ZNF277: variants seen among roughly 807,000 people sequenced by gnomAD.
ZNF277 encodes zinc finger protein 277, also known as nuclear receptor-interacting factor 4.
A neutral mutation model predicts 60.7 loss-of-function variants in ZNF277; 55 were observed. The ratio of observed to expected loss-of-function variants is 0.91; its 90% confidence interval spans 0.73 to 1.13. The LOEUF is 1.13. ZNF277 is among the 50% of genes most tolerant of loss of function. The pLI is 0.00. For missense variants in ZNF277, 510 were observed against 523.0 expected (o/e 0.98, Z 0.24); for synonymous variants, 178 against 179.3 (o/e 0.99, Z 0.06).
intron 1 of ZNF277, among the ~76,000 whole-genome samples, chr7:112,220,854 G>C (rs981850834): frequency 5.9e-5 from 9 of 152,114 alleles, no homozygotes; most frequent in African/African-American, 7.2e-5. Context: ...GAGAGCATAG[G>C]GGGAGGGACA....
chr7:112,249,352 G>T (rs560525678), intron 1 of ZNF277, among the ~76,000 whole-genome samples: 3 of 152,196 alleles, frequency 2.0e-5, no homozygotes, highest in African/African-American at 7.2e-5. Flanking sequence ...CTCAAAATTA[G>T]GGGTTCCCTC....
chr7:112,312,920 TA>T (rs1204791488), intron 4 of ZNF277, among the ~76,000 whole-genome samples: 1 of 152,116 alleles, frequency 6.6e-6, no homozygotes, highest in Non-Finnish European at 1.5e-5. Flanking sequence ...GTTCCAGACA[TA>T]ATAGTTACAT....
chr7:112,244,990 T>C (rs551642939), intron 1 of ZNF277, among the ~76,000 whole-genome samples: 3 of 152,306 alleles, frequency 2.0e-5, no homozygotes, highest in Admixed American at 1.3e-4. Context: ...CTGTTTTTTT[T>C]CTACTTTGAA....
intron 1 of ZNF277, 115 bp from the exon 2 acceptor site, chr7:112,286,758 C>A: frequency 2.3e-6 from 2 of 856,638 alleles, no homozygotes; most frequent in Non-Finnish European, 3.5e-6. Context: ...TTTTTGGAGA[C>A]ATGTAAATAT....
At chr7:112,213,250 T>C (rs1409015902) in intron 1 of ZNF277, among the ~76,000 whole-genome samples, 1 of 152,206 alleles carries the variant, frequency 6.6e-6, no homozygotes, top group Admixed American at 6.5e-5. Flanking sequence ...TCCACCATGA[T>C]TGTGAGGCTT....
intron 1 of ZNF277, among the ~76,000 whole-genome samples, chr7:112,219,017 T>G (rs1030247942): frequency 2.0e-5 from 3 of 152,228 alleles, no homozygotes; most frequent in Non-Finnish European, 2.9e-5. Context: ...GGTAATTCTA[T>G]GTTTAATTTT....
At chr7:112,327,646 A>C (rs1036351419) in intron 5 of ZNF277, 71 bp from the exon 6 acceptor site, 12 of 1,124,286 alleles carry the variant, frequency 1.1e-5, no homozygotes, top group Non-Finnish European at 1.6e-5. Context: ...TTATTATGTG[A>C]ATGCTATTCC....
chr7:112,219,256 C>T (rs1821965334), intron 1 of ZNF277, among the ~76,000 whole-genome samples: 1 of 152,082 alleles, frequency 6.6e-6, no homozygotes, highest in African/African-American at 2.4e-5. Context: ...CCTTTAGTTG[C>T]CTGTGCTTTT....
intron 1 of ZNF277, among the ~76,000 whole-genome samples, chr7:112,236,533 G>T (rs529074793): frequency 6.6e-6 from 1 of 151,974 alleles, no homozygotes; most frequent in Non-Finnish European, 1.5e-5. Flanking sequence ...ACATGTAAGT[G>T]TAGGAGAGAA....
intron 1 of ZNF277, among the ~76,000 whole-genome samples, chr7:112,280,280 A>C (rs1425889742): frequency 6.6e-6 from 1 of 152,172 alleles, no homozygotes; most frequent in Non-Finnish European, 1.5e-5. Flanking sequence ...CACATTGAAG[A>C]AGTATGAGAA....
chr7:112,321,856 A>ACTGC (rs1238974911), intron 5 of ZNF277, among the ~76,000 whole-genome samples: 1 of 152,044 alleles, frequency 6.6e-6, no homozygotes, highest in Non-Finnish European at 1.5e-5. Flanking sequence ...CTTACTAAGG[A>ACTGC]CTGCCTGCCT....
intron 7 of ZNF277, 73 bp downstream of exon 7, chr7:112,330,289 T>C: frequency 1.4e-6 from 2 of 1,467,678 alleles, no homozygotes; most frequent in Non-Finnish European, 1.9e-6. Flanking sequence ...GACCAACTAA[T>C]ATTTGAATAA....
At chr7:112,287,179 G>C (rs1270082201) in intron 2 of ZNF277, 105 bp downstream of exon 2, 16 of 1,165,422 alleles carry the variant, frequency 1.4e-5, no homozygotes, top group Non-Finnish European at 2.0e-5. Flanking sequence ...GATCACCCGA[G>C]GCCAGTAGTA....
At chr7:112,246,192 C>T (rs776774447) in intron 1 of ZNF277, among the ~76,000 whole-genome samples, 16 of 151,578 alleles carry the variant, frequency 1.1e-4, no homozygotes, top group East Asian at 3.9e-4. Context: ...GAGACCAGCC[C>T]GGGCAACATG....
chr7:112,250,067 G>T (rs1311483729), intron 1 of ZNF277, among the ~76,000 whole-genome samples: 1 of 152,168 alleles, frequency 6.6e-6, no homozygotes, highest in Non-Finnish European at 1.5e-5. Flanking sequence ...AAAAGCAAAT[G>T]GGAGAAATAT....
intron 1 of ZNF277, among the ~76,000 whole-genome samples, chr7:112,241,145 C>A (rs541869689): frequency 7.3e-5 from 11 of 151,354 alleles, no homozygotes; most frequent in African/African-American, 2.7e-4. Flanking sequence ...GGAGTTCAAA[C>A]AACTCTATTG....
At chr7:112,219,727 T>C (rs572280882) in intron 1 of ZNF277, among the ~76,000 whole-genome samples, 2 of 152,290 alleles carry the variant, frequency 1.3e-5, no homozygotes, top group South Asian at 2.1e-4. Context: ...CCTTGATCTA[T>C]TGGGCTCAAG....
chr7:112,304,986 C>T (rs919456823), intron 4 of ZNF277, among the ~76,000 whole-genome samples: 1 of 152,156 alleles, frequency 6.6e-6, no homozygotes, highest in Non-Finnish European at 1.5e-5. Context: ...TTCTCCTGTG[C>T]TTACTGTACT....
At chr7:112,296,922 T>TTTTA (rs1792362857) in intron 4 of ZNF277, among the ~76,000 whole-genome samples, 3 of 72,560 alleles carry the variant, frequency 4.1e-5, no homozygotes, top group Non-Finnish European at 8.9e-5. Context: ...ATTTTTTTTT[T>TTTTA]TTTTTTTTTT....
Sources: gnomAD v4.1 joint callset for allele counts (sites outside exome capture counted in the v4.1 genomes callset) on GRCh38, gnomAD v4.1.1 for gene constraint, MANE v1.5 for transcripts, NCBI Gene and HGNC (gene_info 2026-07-23, HGNC 2026-07-21) for gene names.